ADAMTS2: variants seen among roughly 807,000 people sequenced by gnomAD.
The protein encoded by ADAMTS2 is A disintegrin and metalloproteinase with thrombospondin motifs 2.
In ADAMTS2, 50 loss-of-function variants were observed where a neutral mutation model predicts 123.0. That is an observed-to-expected ratio of 0.41 (90% confidence interval 0.32 to 0.51). The LOEUF is 0.51. Among genes scored for constraint, ADAMTS2 ranks in the 20% least tolerant of loss-of-function variants. The pLI is 0.35. For missense variants in ADAMTS2, 1,494 were observed against 1,705.2 expected (o/e 0.88, Z 2.18); for synonymous variants, 678 against 695.4 (o/e 0.98, Z 0.39).
chr5:179,174,110 G>A (rs914368049), intron 5 of ADAMTS2, among the ~76,000 whole-genome samples: 1 of 151,948 alleles, frequency 6.6e-6, no homozygotes, highest in Non-Finnish European at 1.5e-5. Context: ...TACTCAAAGT[G>A]TGCCTGCTTC....
In ADAMTS2 at chr5:179,118,023, A is replaced by G. The variant is rs1762693256; in HGVS notation, c.3178+3638T>C. Among the ~76,000 whole-genome samples, 1 of 152,140 alleles carries G rather than the reference A, an allele frequency of 6.6e-6. No individual in the cohort carries two copies. The highest frequency in any genetic ancestry group is 2.1e-4 in the South Asian group (1 of 4,832). On this transcript the variant is annotated intron_variant, in intron 21 of 21. Coordinates refer to ENST00000251582, the MANE Select transcript of ADAMTS2 (RefSeq NM_014244.5). The surrounding 1 kb of genome is among the most constrained non-coding windows in gnomAD (Gnocchi z 4.5). ...ACGAGAAAGTGCTCCATAAATGCCCATTGAGTGAGGGGTGGCAGCCCCAGG... is the reference window on the plus strand; with the variant it reads ...ACGAGAAAGTGCTCCATAAATGCCCGTTGAGTGAGGGGTGGCAGCCCCAGG...
intron 2 of ADAMTS2, among the ~76,000 whole-genome samples, chr5:179,275,625 G>A (rs1295869001): frequency 6.6e-6 from 1 of 152,194 alleles, no homozygotes; most frequent in African/African-American, 2.4e-5. Context: ...CCAGATGCCA[G>A]CTTTGGAGAT....
At chr5:179,199,271 C>T (rs1052019130) in intron 4 of ADAMTS2, among the ~76,000 whole-genome samples, 1 of 152,206 alleles carries the variant, frequency 6.6e-6, no homozygotes, top group African/African-American at 2.4e-5. Flanking sequence ...ATGGTCCCAT[C>T]TCCCCAGGAC....
intron 11 of ADAMTS2, 127 bp downstream of exon 11, chr5:179,139,763 C>T (rs1763129194): frequency 7.7e-6 from 11 of 1,424,474 alleles, no homozygotes; most frequent in African/African-American, 5.6e-5. Context: ...GGCGGGGCAG[C>T]CTGCCCTGCA....
At chr5:179,329,053 C>T (rs1581280715) in intron 2 of ADAMTS2, among the ~76,000 whole-genome samples, 2 of 152,272 alleles carry the variant, frequency 1.3e-5, no homozygotes, top group Admixed American at 6.5e-5. Context: ...AAAGGCCAGG[C>T]ACAGTGGCTC....
chr5:179,253,334 T>C (rs942288972), intron 3 of ADAMTS2, among the ~76,000 whole-genome samples: 1 of 152,192 alleles, frequency 6.6e-6, no homozygotes, highest in African/African-American at 2.4e-5. Flanking sequence ...TTCTCCTTTA[T>C]AATTTGTCTT....
At chr5:179,206,996 C>T (rs1411458227) in intron 4 of ADAMTS2, among the ~76,000 whole-genome samples, 3 of 152,184 alleles carry the variant, frequency 2.0e-5, no homozygotes, top group Non-Finnish European at 4.4e-5. Flanking sequence ...GGGTTGGTGT[C>T]TGGCCCTCGC....
intron 2 of ADAMTS2, among the ~76,000 whole-genome samples, chr5:179,325,567 C>T (rs1757290761): frequency 6.6e-6 from 1 of 152,252 alleles, no homozygotes; most frequent in Non-Finnish European, 1.5e-5. Flanking sequence ...CGAAGTCCTG[C>T]TCCGCTGTCC....
At chr5:179,275,261 G>T (rs1581238002) in intron 2 of ADAMTS2, among the ~76,000 whole-genome samples, 1 of 152,242 alleles carries the variant, frequency 6.6e-6, no homozygotes, top group East Asian at 1.9e-4. Flanking sequence ...GAGGGGTAAT[G>T]GTCCAGACGG....
intron 2 of ADAMTS2, among the ~76,000 whole-genome samples, chr5:179,306,758 T>A (rs1490023947): frequency 3.9e-5 from 6 of 152,120 alleles, no homozygotes; most frequent in Non-Finnish European, 8.8e-5. Flanking sequence ...CTCATGAAGC[T>A]TTGATCTCCA....
At position 179,117,546 on chromosome 5, in the gene ADAMTS2, C is replaced by A. The variant is rs1762682897; in HGVS notation, c.3179-3222G>T. Among the ~76,000 whole-genome samples, 1 of 151,444 alleles carries A rather than the reference C, an allele frequency of 6.6e-6. No homozygotes were observed. The highest frequency in any genetic ancestry group is 1.5e-5 in the Non-Finnish European group (1 of 67,968). ...AAAGTTTTATTGGATCAGGCCCATG[C>A]CCATGCATTTTTTTTTTTTTTTTTG... On this transcript the variant is annotated intron_variant, in intron 21 of 21. Transcript: ENST00000251582. This position sits in a 1 kb window ranked among gnomAD's most constrained non-coding sequence, Gnocchi z 4.2.
intron 3 of ADAMTS2, among the ~76,000 whole-genome samples, chr5:179,246,470 G>A (rs185213988): frequency 1.0e-3 from 153 of 152,326 alleles, no homozygotes; most frequent in Middle Eastern, 3.4e-3. Flanking sequence ...AAGGCTTGGG[G>A]AGGAAGAGGG....
chr5:179,315,086 G>T (rs1197649544), intron 2 of ADAMTS2, among the ~76,000 whole-genome samples: 1 of 66,044 alleles, frequency 1.5e-5, no homozygotes, highest in Non-Finnish European at 3.1e-5. Flanking sequence ...TCCTCCCCCT[G>T]CCCCTGCATG....
intron 2 of ADAMTS2, among the ~76,000 whole-genome samples, chr5:179,284,639 G>A (rs375371274): frequency 2.6e-5 from 4 of 152,158 alleles, no homozygotes; most frequent in South Asian, 2.1e-4. Context: ...CGCCCACCTC[G>A]GCCTCCCAAA....
At chr5:179,231,733 CAT>C (rs1212525867) in intron 3 of ADAMTS2, among the ~76,000 whole-genome samples, 1 of 151,994 alleles carries the variant, frequency 6.6e-6, no homozygotes, top group Non-Finnish European at 1.5e-5. Flanking sequence ...TATAAATACA[CAT>C]GAGAGTCTTC....
At chr5:179,156,390 C>T (rs1303519777) in intron 6 of ADAMTS2, among the ~76,000 whole-genome samples, 1 of 140,984 alleles carries the variant, frequency 7.1e-6, no homozygotes, top group Non-Finnish European at 1.5e-5. Context: ...GATGGAGTCT[C>T]ACTCTGCCGT....
intron 3 of ADAMTS2, among the ~76,000 whole-genome samples, chr5:179,217,830 G>GCA (rs1193913145): frequency 0.023 from 1,632 of 71,044 alleles, 60 homozygotes; most frequent in African/African-American, 0.077. Flanking sequence ...GGGATGGCCT[G>GCA]AGGGCAGACA....
At chr5:179,274,544 C>G (rs544242591) in intron 2 of ADAMTS2, among the ~76,000 whole-genome samples, 41 of 152,358 alleles carry the variant, frequency 2.7e-4, no homozygotes, top group African/African-American at 4.1e-4. Context: ...CCACACCCCC[C>G]CCAAAGTAAC....
intron 2 of ADAMTS2, among the ~76,000 whole-genome samples, chr5:179,293,401 C>T (rs1251321813): frequency 6.6e-6 from 1 of 152,238 alleles, no homozygotes; most frequent in Non-Finnish European, 1.5e-5. Context: ...AGAGTATTTT[C>T]CCTGCTAACT....
Sources: allele counts gnomAD v4.1 joint callset (sites outside exome capture counted in the v4.1 genomes callset), GRCh38; gene constraint gnomAD v4.1.1; non-coding constraint Gnocchi (gnomAD v3.1); transcripts MANE v1.5; gene names NCBI Gene and HGNC (gene_info 2026-07-23, HGNC 2026-07-21).